Variants in RYR2 observed in about 807,000 individuals in gnomAD.
The protein encoded by RYR2 is cardiac muscle ryanodine receptor-calcium release channel.
In RYR2, 227 loss-of-function variants were observed where a neutral mutation model predicts 601.1. The observed-to-expected ratio is 0.38, with a 90% CI of 0.34 to 0.42. The LOEUF is 0.42. Ranked by LOEUF, RYR2 falls within the 10% of genes least tolerant of loss-of-function variation. The pLI is 1.00. For missense variants in RYR2, 4,646 were observed against 6,156.5 expected, an observed-to-expected ratio of 0.75 and a Z score of 8.21; for synonymous variants, 2,223 against 2,175.1, an observed-to-expected ratio of 1.02 and a Z score of -0.61.
chr1:237,771,959 A>T, intron 85 of RYR2, 53 bp from the exon 86 acceptor site: 1 of 1,022,266 alleles, frequency 9.8e-7, no homozygotes, highest in Non-Finnish European at 1.5e-6. Flanking sequence ...TCTTAGAATG[A>T]CTCAACTTGA....
At chr1:237,205,880 C>T (rs367692187) in intron 1 of RYR2, among the ~76,000 whole-genome samples, 2 of 152,246 alleles carry the variant, frequency 1.3e-5, no homozygotes, top group Admixed American at 6.5e-5. Context: ...GGACCTGGAC[C>T]GGAGGCTTGG....
chr1:237,616,495 C>T (rs559164832), intron 37 of RYR2, among the ~76,000 whole-genome samples: 2 of 152,266 alleles, frequency 1.3e-5, no homozygotes, highest in South Asian at 2.1e-4. Context: ...TATTTTTCTG[C>T]TCTGTGATCC....
intron 1 of RYR2, among the ~76,000 whole-genome samples, chr1:237,268,804 T>G (rs1689339292): frequency 6.6e-6 from 1 of 150,388 alleles, no homozygotes; most frequent in South Asian, 2.1e-4. Context: ...GGTGTGGTGG[T>G]GGGTGCCTGT....
intron 1 of RYR2, among the ~76,000 whole-genome samples, chr1:237,182,836 G>A (rs920196766): frequency 1.3e-5 from 2 of 152,188 alleles, no homozygotes; most frequent in African/African-American, 4.8e-5. Context: ...CAGACATTTA[G>A]GCATTACAGG....
At chr1:237,415,655 T>C (rs1258284928) in intron 10 of RYR2, among the ~76,000 whole-genome samples, 2 of 152,140 alleles carry the variant, frequency 1.3e-5, no homozygotes, top group African/African-American at 4.8e-5. Flanking sequence ...ACAGACTGAT[T>C]ATCACCAAAT....
At chr1:237,574,075 G>A (rs1261492777) in intron 29 of RYR2, among the ~76,000 whole-genome samples, 1 of 152,240 alleles carries the variant, frequency 6.6e-6, no homozygotes, top group African/African-American at 2.4e-5. Context: ...TTTAAAGGCC[G>A]CATTGTCTAT....
intron 1 of RYR2, among the ~76,000 whole-genome samples, chr1:237,053,497 AAGTCAGCCCGACTTG>A (rs2148163116): frequency 6.6e-6 from 1 of 152,280 alleles, no homozygotes; most frequent in East Asian, 1.9e-4. Context: ...GAAGCCTGCA[AAGTCAGCCCGACTTG>A]AGTCAGTCCT....
intron 3 of RYR2, among the ~76,000 whole-genome samples, chr1:237,352,479 A>G (rs1015624717): frequency 2.6e-5 from 4 of 152,142 alleles, no homozygotes; most frequent in South Asian, 2.1e-4. Flanking sequence ...TACCATGTTC[A>G]TATATTGGGA....
At chr1:237,506,464 A>G (rs886086672) in intron 22 of RYR2, among the ~76,000 whole-genome samples, 12 of 151,714 alleles carry the variant, frequency 7.9e-5, no homozygotes, top group African/African-American at 2.4e-4. Context: ...TGTGAACCCG[A>G]GAGGCGGAGC....
At chr1:237,677,877 T>G (rs1041786957) in intron 60 of RYR2, among the ~76,000 whole-genome samples, 171 bp from the exon 61 acceptor site, 14 of 152,206 alleles carry the variant, frequency 9.2e-5, no homozygotes, top group African/African-American at 3.4e-4. Flanking sequence ...TTAAACATCC[T>G]TTTATTTTTA....
rs73127276 is a variant in RYR2, at chr1:237,322,388, A to G, written c.169-8490A>G. Among the ~76,000 whole-genome samples, 1,338 of 152,162 alleles carry G rather than the reference A, an allele frequency of 8.8e-3. 18 individuals carry two copies. The highest frequency in any genetic ancestry group is 0.03 in the African/African-American group (1,244 of 41,504). The stretch of plus-strand genomic sequence containing the variant: ...CGGAATCTGTTGGTTGCCCTCATCT[A>G]TGTGTTTGTGTGAATTATTTTTCCT... On this transcript the variant is annotated intron_variant, in intron 2 of 104. Transcript: ENST00000366574.
chr1:237,678,745 G>C (rs550525105), intron 61 of RYR2, among the ~76,000 whole-genome samples: 13 of 152,294 alleles, frequency 8.5e-5, no homozygotes, highest in African/African-American at 3.1e-4. Flanking sequence ...AGTATTTACT[G>C]TGTGTCTAGT....
In RYR2 at chr1:237,706,951, C is replaced by T; in HGVS notation, c.9583C>T (p.Leu3195Phe). 1 of 1,610,134 alleles carries T rather than the reference C, an allele frequency of 6.2e-7. No homozygotes were observed. The highest frequency in any genetic ancestry group is 8.5e-7 in the Non-Finnish European group (1 of 1,176,590). ...CATTTTTATATGTACTTCTCCAGCT[C>T]TCAGTTTGCCAACTAATGTGGAAGA... ...NTKSSRERAA[L>F]SLPTNVEDVC... Residue 3195 changes from leucine (L) to phenylalanine (F), a missense_variant and splice_region_variant, in exon 68 of 105, where the codon CTC (leucine) becomes TTC (phenylalanine). Leu to Phe is a conservative substitution (Grantham distance 22, BLOSUM62 0). This residue lies in a region of RYR2 where 1,497 missense variants were observed against 1,842.6 expected (regional missense o/e 0.81). Coordinates refer to ENST00000366574, the MANE Select transcript of RYR2 (RefSeq NM_001035.3).
intron 34 of RYR2, among the ~76,000 whole-genome samples, chr1:237,600,513 G>A (rs1317557668): frequency 2.0e-5 from 3 of 152,108 alleles, no homozygotes; most frequent in African/African-American, 7.2e-5. Context: ...GAAAACATGG[G>A]GGAAACACTT....
intron 1 of RYR2, among the ~76,000 whole-genome samples, chr1:237,045,869 GTTTTTTTT>G (rs768636054): frequency 5.3e-5 from 3 of 56,924 alleles, no homozygotes; most frequent in African/African-American, 1.7e-4. Context: ...CTTGGTCAAG[GTTTTTTTT>G]TTTTTTTTTT....
chr1:237,801,856 A>G lies in RYR2; in HGVS notation c.14091A>G (p.Val4697=), dbSNP rs1660015483. The change falls in exon 98 of 105, where the codon GTA becomes GTG. Residue 4697 remains valine (V), a splice_region_variant and synonymous_variant. Transcript: ENST00000366574. ...GCATTTTTTTTTTTTGTCATTGCAG[A>G]CTGAACTCCATTGATGTGAAGTATC... is the stretch of plus-strand genomic sequence containing the variant. ...KPKKDSSLSA[V]LNSIDVKYQM... is the part of the protein sequence containing the mutation. The G allele has an allele frequency of 1.9e-6, 3 of 1,579,894 alleles. No homozygotes were observed. Among genetic ancestry groups the G allele is most frequent in the Non-Finnish European group, 2.6e-6 (3 of 1,157,540 alleles).
intron 58 of RYR2, among the ~76,000 whole-genome samples, chr1:237,669,343 C>G (rs1039347118): frequency 6.6e-6 from 1 of 152,190 alleles, no homozygotes; most frequent in African/African-American, 2.4e-5. Context: ...CCTCTCTATT[C>G]CACAAAACCG....
At chr1:237,554,732 A>C (rs1670717214) in intron 27 of RYR2, among the ~76,000 whole-genome samples, 1 of 151,974 alleles carries the variant, frequency 6.6e-6, no homozygotes, top group African/African-American at 2.4e-5. Flanking sequence ...TCTGTAAATT[A>C]GTTCATTTAA....
chr1:237,751,399 C>T (rs1046085358), intron 80 of RYR2, among the ~76,000 whole-genome samples: 2 of 152,186 alleles, frequency 1.3e-5, no homozygotes, highest in African/African-American at 4.8e-5. Context: ...TAGAGTTTCT[C>T]ATTCTTTTCT....
Sources: allele counts gnomAD v4.1 joint callset (sites outside exome capture counted in the v4.1 genomes callset), GRCh38; gene constraint gnomAD v4.1.1; regional missense constraint gnomAD v4.1.1; transcripts MANE v1.5; gene names NCBI Gene and HGNC (gene_info 2026-07-23, HGNC 2026-07-21).